SH3BGR: variants seen among roughly 807,000 people sequenced by gnomAD.
The protein encoded by SH3BGR is SH3 domain-binding glutamic acid-rich protein.
In SH3BGR, 29 loss-of-function variants were observed where a neutral mutation model predicts 24.5. That is an observed-to-expected ratio of 1.18 (90% CI 0.88 to 1.61). The LOEUF (loss-of-function observed/expected upper bound fraction) is 1.61. Ranked by LOEUF, SH3BGR falls within the 40% of genes most tolerant of loss-of-function variation. SH3BGR has a pLI of 0.00. For missense variants in SH3BGR, 162 were observed against 205.8 expected, an observed-to-expected ratio of 0.79 and a Z score of 1.30; for synonymous variants, 55 against 65.7, an observed-to-expected ratio of 0.84 and a Z score of 0.79.
At chr21:39,513,227 T>C (rs2078727112) in intron 6 of SH3BGR, among the ~76,000 whole-genome samples, 1 of 152,178 alleles carries the variant, frequency 6.6e-6, no homozygotes, top group Non-Finnish European at 1.5e-5. Context: ...TTGTCAAAGA[T>C]ACCTAAAGTG....
intron 6 of SH3BGR, among the ~76,000 whole-genome samples, chr21:39,513,232 A>G (rs7281794): frequency 1.3e-5 from 2 of 152,130 alleles, no homozygotes; most frequent in African/African-American, 4.8e-5. Context: ...AAAGATACCT[A>G]AAGTGACTTC....
At position 39,505,760 on chromosome 21, in the gene SH3BGR, C is replaced by T. The variant is rs558150093; in HGVS notation, c.406-3238C>T. Among the ~76,000 whole-genome samples the T allele has an allele frequency of 5.3e-5, 8 of 151,670 alleles. No homozygotes were observed. In the East Asian group the frequency reaches 7.8e-4, roughly 15 times the overall value. On this transcript the variant is annotated intron_variant, in intron 4 of 6. Transcript: ENST00000333634. ...AGTCTGGGCAACGAGAGCAAAACTT[C>T]GTCTCAAAAAAAAAGAGTGCTAGGT... is the stretch of plus-strand genomic sequence containing the variant.
intron 2 of SH3BGR, among the ~76,000 whole-genome samples, chr21:39,471,220 T>C (rs1174814736): frequency 6.6e-6 from 1 of 152,164 alleles, no homozygotes; most frequent in African/African-American, 2.4e-5. Flanking sequence ...TTTTTATTTA[T>C]CTACTTTAGA....
At chr21:39,457,580 T>C (rs1208875051) in intron 1 of SH3BGR, among the ~76,000 whole-genome samples, 3 of 149,726 alleles carry the variant, frequency 2.0e-5, no homozygotes, top group Non-Finnish European at 4.4e-5. Flanking sequence ...AATTTGGTCT[T>C]GGAGGTGATT....
rs529832076 is a variant in SH3BGR, at chr21:39,446,580, T to G, written c.-100+499T>G. On this transcript the variant is annotated intron_variant, in intron 1 of 6. Coordinates refer to the SH3BGR transcript ENST00000380631. ...GAAATTCTCTTTTTTCTTAAAATTTTTTTGCCCATTTTATTGTCAAAAATT... is the reference window on the plus strand; with the variant it reads ...GAAATTCTCTTTTTTCTTAAAATTTGTTTGCCCATTTTATTGTCAAAAATT... Among the ~76,000 whole-genome samples the G allele has an allele frequency of 2.6e-5, 4 of 152,356 alleles. No individual in the cohort carries two copies. In the South Asian group the frequency reaches 8.3e-4, roughly 32 times the overall value.
chr21:39,497,853 G>A (rs1217518831), intron 3 of SH3BGR, among the ~76,000 whole-genome samples: 2 of 152,116 alleles, frequency 1.3e-5, no homozygotes, highest in Non-Finnish European at 2.9e-5. Flanking sequence ...GAGGATAAAG[G>A]AGAAGGAGAC....
chr21:39,476,538 T>C (rs1007271092), intron 3 of SH3BGR, among the ~76,000 whole-genome samples: 34 of 152,204 alleles, frequency 2.2e-4, no homozygotes, highest in African/African-American at 8.2e-4. Context: ...AAAAATGCCC[T>C]ACTCCTTCCC....
intron 3 of SH3BGR, among the ~76,000 whole-genome samples, chr21:39,485,934 C>T (rs996767906): frequency 9.2e-5 from 14 of 151,956 alleles, no homozygotes; most frequent in African/African-American, 2.4e-4. Flanking sequence ...GTGATCCGCC[C>T]GCCTCGGCCT....
intron 3 of SH3BGR, among the ~76,000 whole-genome samples, chr21:39,489,668 A>G (rs1237084820): frequency 6.6e-6 from 1 of 152,242 alleles, no homozygotes; most frequent in Admixed American, 6.5e-5. Flanking sequence ...CTGGCTGCAC[A>G]TTAGAAATCT....
At chr21:39,459,038 GT>G (rs932976008) in intron 1 of SH3BGR, among the ~76,000 whole-genome samples, 281 of 143,724 alleles carry the variant, frequency 2.0e-3, no homozygotes, top group African/African-American at 5.3e-3. Context: ...TAGTTCTGTG[GT>G]TTTTTTTTTT....
At chr21:39,484,402 G>T (rs911534609) in intron 3 of SH3BGR, among the ~76,000 whole-genome samples, 2 of 152,136 alleles carry the variant, frequency 1.3e-5, no homozygotes, top group African/African-American at 2.4e-5. Context: ...ATGTAAATGG[G>T]ACAGGTTTGT....
At chr21:39,447,778 A>G (rs181663501), upstream of SH3BGR, among the ~76,000 whole-genome samples, 5 of 152,272 alleles carry the variant, frequency 3.3e-5, no homozygotes, top group African/African-American at 1.2e-4. Context: ...GAGAAGAGCC[A>G]TGGCCTTTCA....
intron 3 of SH3BGR, among the ~76,000 whole-genome samples, chr21:39,496,227 G>A (rs1163023429): frequency 1.3e-5 from 2 of 152,122 alleles, no homozygotes; most frequent in African/African-American, 2.4e-5. Flanking sequence ...TTGGCCGGGC[G>A]CGGTGGCTCA....
intron 3 of SH3BGR, among the ~76,000 whole-genome samples, chr21:39,480,230 T>G (rs1217427548): frequency 6.6e-6 from 1 of 152,220 alleles, no homozygotes; most frequent in Non-Finnish European, 1.5e-5. Flanking sequence ...CCATTTAAAG[T>G]GTACAATTCA....
At chr21:39,498,199 C>T (rs1325671004) in intron 3 of SH3BGR, among the ~76,000 whole-genome samples, 1 of 152,162 alleles carries the variant, frequency 6.6e-6, no homozygotes, top group Non-Finnish European at 1.5e-5. Context: ...TCAATTCCCC[C>T]TTAAAATAGC....
At chr21:39,486,389 A>G (rs1323467105) in intron 3 of SH3BGR, among the ~76,000 whole-genome samples, 1 of 152,236 alleles carries the variant, frequency 6.6e-6, no homozygotes, top group Non-Finnish European at 1.5e-5. Context: ...AGAAAACATT[A>G]TATCTAATTT....
At chr21:39,459,145 T>G (rs2077713041) in intron 1 of SH3BGR, among the ~76,000 whole-genome samples, 1 of 152,116 alleles carries the variant, frequency 6.6e-6, no homozygotes, top group African/African-American at 2.4e-5. Context: ...GTTGATTGAT[T>G]ATTTGTTTTA....
intron 4 of SH3BGR, 106 bp from the exon 5 acceptor site, chr21:39,508,892 C>G (rs1395221251): frequency 2.6e-6 from 2 of 777,032 alleles, no homozygotes; most frequent in African/African-American, 1.8e-5. Flanking sequence ...ATGTGTTGTT[C>G]ATTTTGATTA....
intron 3 of SH3BGR, among the ~76,000 whole-genome samples, chr21:39,482,350 T>G (rs796802349): frequency 2.0e-5 from 3 of 152,212 alleles, no homozygotes; most frequent in African/African-American, 7.2e-5. Context: ...TGAGGAAATA[T>G]GAGAATCAGA....
Sources: allele counts gnomAD v4.1 joint callset (sites outside exome capture counted in the v4.1 genomes callset), GRCh38; gene constraint gnomAD v4.1.1; transcripts MANE v1.5; gene names NCBI Gene and HGNC (gene_info 2026-07-23, HGNC 2026-07-21).